Variants in CNTNAP2 observed in about 807,000 individuals in gnomAD.
The protein encoded by CNTNAP2 is contactin associated protein 2.
CNTNAP2 carries 98 observed loss-of-function variants against 155.2 expected under a neutral mutation model. The observed-to-expected ratio is 0.63, with a 90% CI of 0.54 to 0.75. CNTNAP2 has a LOEUF of 0.75. CNTNAP2 is among the 30% of genes least tolerant of loss of function. The probability of loss-of-function intolerance (pLI) is 0.00; values close to 1 mark genes in which losing one functional copy is unlikely to be tolerated. For synonymous variants in CNTNAP2, 651 were observed against 631.2 expected, an observed-to-expected ratio of 1.03 and a Z score of -0.47; for missense variants, 1,727 against 1,688.1, an observed-to-expected ratio of 1.02 and a Z score of -0.40.
chr7:146,895,536 A>G (rs1795859074), intron 3 of CNTNAP2, among the ~76,000 whole-genome samples: 1 of 152,148 alleles, frequency 6.6e-6, no homozygotes. Context: ...AAAACATAAC[A>G]TTGAAACACC....
At chr7:147,108,947 C>T (rs878946067) in intron 5 of CNTNAP2, among the ~76,000 whole-genome samples, 6 of 152,056 alleles carry the variant, frequency 3.9e-5, no homozygotes, top group Non-Finnish European at 7.4e-5. Context: ...AGGATGCCGC[C>T]GTGCATAAAT....
intron 13 of CNTNAP2, among the ~76,000 whole-genome samples, chr7:147,698,613 A>G (rs562582569): frequency 2.6e-5 from 4 of 152,292 alleles, no homozygotes; most frequent in Admixed American, 6.5e-5. Context: ...TCAAGTCTAG[A>G]GTGCAGTAGC....
intron 21 of CNTNAP2, among the ~76,000 whole-genome samples, chr7:148,349,403 C>G (rs1479588433): frequency 9.2e-4 from 8 of 8,680 alleles, no homozygotes; most frequent in Non-Finnish European, 2.1e-3. Flanking sequence ...CAAAAAAAAT[C>G]TCTCTTTTTT....
chr7:147,329,908 G>A (rs1020193962), intron 9 of CNTNAP2, among the ~76,000 whole-genome samples: 1 of 152,070 alleles, frequency 6.6e-6, no homozygotes, highest in Non-Finnish European at 1.5e-5. Context: ...CCCTTCTTAT[G>A]TAATGTTTTT....
chr7:146,648,509 A>C (rs1162838803), intron 1 of CNTNAP2, among the ~76,000 whole-genome samples: 1 of 152,152 alleles, frequency 6.6e-6, no homozygotes, highest in Non-Finnish European at 1.5e-5. Flanking sequence ...ACTTCTTTAA[A>C]TGTTTTTTAA....
intron 20 of CNTNAP2, among the ~76,000 whole-genome samples, chr7:148,258,664 A>G (rs1159068557): frequency 6.6e-6 from 1 of 152,076 alleles, no homozygotes; most frequent in African/African-American, 2.4e-5. Context: ...TGTTTCTCCT[A>G]CCTGAAGTCT....
chr7:147,579,530 T>G (rs1800458518), intron 12 of CNTNAP2, among the ~76,000 whole-genome samples: 1 of 152,192 alleles, frequency 6.6e-6, no homozygotes, highest in Non-Finnish European at 1.5e-5. Context: ...TTTACATTAT[T>G]AATATGCCAT....
chr7:147,302,739 T>G (rs1459475685), intron 9 of CNTNAP2, among the ~76,000 whole-genome samples: 1 of 152,246 alleles, frequency 6.6e-6, no homozygotes, highest in Non-Finnish European at 1.5e-5. Flanking sequence ...ATTCTTTTTG[T>G]AAAACATCGT....
intron 8 of CNTNAP2, among the ~76,000 whole-genome samples, chr7:147,178,159 A>T (rs116311370): frequency 0.012 from 1,898 of 152,254 alleles, 49 homozygotes; most frequent in African/African-American, 0.044. Flanking sequence ...AGACCTTGAG[A>T]TGGAGAGATT....
intron 10 of CNTNAP2, among the ~76,000 whole-genome samples, chr7:147,403,487 C>G (rs777351805): frequency 6.6e-6 from 1 of 152,156 alleles, no homozygotes; most frequent in African/African-American, 2.4e-5. Flanking sequence ...ATTCAGTCAA[C>G]AAATACTTCT....
At chr7:147,540,505 G>A (rs1178929787) in intron 11 of CNTNAP2, among the ~76,000 whole-genome samples, 1 of 152,112 alleles carries the variant, frequency 6.6e-6, no homozygotes, top group African/African-American at 2.4e-5. Flanking sequence ...CTGTGCATTA[G>A]GATACAAGAA....
In CNTNAP2 at chr7:147,827,197, T is replaced by C. The variant is rs117273913; in HGVS notation, c.2099-76368T>C. Among the ~76,000 whole-genome samples, 1,479 of 152,296 alleles carry C rather than the reference T, an allele frequency of 9.7e-3. 11 individuals carry two copies. The highest frequency in any genetic ancestry group is 0.016 in the Non-Finnish European group (1,082 of 68,020). Reference sequence around the variant, plus strand: ...ACTGAAATCCCTTCTATAATAACTTTAGTAATTACTCACTGTTGATGAAAA... The same window carrying C: ...ACTGAAATCCCTTCTATAATAACTTCAGTAATTACTCACTGTTGATGAAAA... On this transcript the variant is annotated intron_variant, in intron 13 of 23. Coordinates refer to ENST00000361727, the MANE Select transcript of CNTNAP2 (RefSeq NM_014141.6).
intron 11 of CNTNAP2, among the ~76,000 whole-genome samples, chr7:147,522,787 C>T (rs139880383): frequency 9.4e-6 from 1 of 106,242 alleles, no homozygotes; most frequent in African/African-American, 3.2e-5. Context: ...AACAAAAAAA[C>T]AAAAAAAAAA....
At position 147,521,026 on chromosome 7, in the gene CNTNAP2, G is replaced by C. The variant is rs140943313; in HGVS notation, c.1777+34985G>C. 2.0e-4 allele frequency among the ~76,000 whole-genome samples: 31 copies of C among 152,298 alleles called. No homozygotes were observed. The South Asian group carries it at 5.8e-3, about 28-fold the overall frequency. On this transcript the variant is annotated intron_variant, in intron 11 of 23. Transcript: ENST00000361727. ...ACATTCCTTGACCACATGAATGTGAGCAACGCTTTGGATCAGACACCTGAT... is the reference window on the plus strand; with the variant it reads ...ACATTCCTTGACCACATGAATGTGACCAACGCTTTGGATCAGACACCTGAT...
intron 1 of CNTNAP2, among the ~76,000 whole-genome samples, chr7:146,297,199 T>C (rs1800528565): frequency 6.6e-6 from 1 of 152,154 alleles, no homozygotes; most frequent in African/African-American, 2.4e-5. Flanking sequence ...AGAAAAACAA[T>C]TTAAATTGAA....
At chr7:148,030,388 T>C (rs1444485642) in intron 15 of CNTNAP2, among the ~76,000 whole-genome samples, 3 of 152,202 alleles carry the variant, frequency 2.0e-5, no homozygotes, top group Non-Finnish European at 4.4e-5. Flanking sequence ...TGCCATTATA[T>C]TTTTTCTTTT....
rs530979138 is a variant in CNTNAP2 at position 147,768,879 on chromosome 7, A to T, written c.2098+129573A>T. Among the ~76,000 whole-genome samples, 145 of 151,652 alleles carry T rather than the reference A, an allele frequency of 9.6e-4. 1 individual carries two copies. The highest frequency in any genetic ancestry group is 3.4e-3 in the Middle Eastern group (1 of 294). ...CTTAAAATTAGCAAATAGCTTTGCT[A>T]AATTATAATATAGGTCATTACTGAA... On this transcript the variant is annotated intron_variant, in intron 13 of 23. Transcript: ENST00000361727.
At chr7:146,153,395 T>C (rs1798079871) in intron 1 of CNTNAP2, among the ~76,000 whole-genome samples, 1 of 152,138 alleles carries the variant, frequency 6.6e-6, no homozygotes, top group Non-Finnish European at 1.5e-5. Flanking sequence ...AATTTCTATA[T>C]GAAACATCCA....
intron 15 of CNTNAP2, among the ~76,000 whole-genome samples, chr7:148,084,047 C>A (rs192790136): frequency 1.1e-3 from 170 of 152,234 alleles, no homozygotes; most frequent in Middle Eastern, 6.8e-3. Context: ...TTTTAAGATC[C>A]CCTGAAAGTT....
Sources: gnomAD v4.1 joint callset for allele counts (sites outside exome capture counted in the v4.1 genomes callset) on GRCh38, gnomAD v4.1.1 for gene constraint, MANE v1.5 for transcripts, NCBI Gene and HGNC (gene_info 2026-07-23, HGNC 2026-07-21) for gene names.